The following NCOA1 variants were observed in gnomAD, a reference collection of about 807,000 sequenced individuals.
NCOA1 encodes nuclear receptor coactivator 1.
Under a neutral mutation model 150.9 loss-of-function variants are expected in NCOA1, and 35 were observed. The ratio of observed to expected loss-of-function variants is 0.23; its 90% CI spans 0.18 to 0.31. The LOEUF (loss-of-function observed/expected upper bound fraction) is 0.31. NCOA1 is among the 10% of genes least tolerant of loss of function. NCOA1 has a pLI of 1.00. For synonymous variants in NCOA1, 590 were observed against 630.0 expected (o/e 0.94, Z 0.95); for missense variants, 1,491 against 1,749.3 (o/e 0.85, Z 2.63).
intron 3 of NCOA1, among the ~76,000 whole-genome samples, chr2:24,624,712 C>T (rs1387111101): frequency 6.6e-6 from 1 of 152,168 alleles, no homozygotes; most frequent in Non-Finnish European, 1.5e-5. Context: ...ACAATATATA[C>T]ATATGCAAGA....
Position 24,757,649 on chromosome 2 carries a change from C to T in NCOA1, c.3882-324C>T, listed in dbSNP as rs1033853677. The stretch of plus-strand genomic sequence containing the variant: ...ACACTTTGCTCAAATAGGACATTCT[C>T]TGTTTAGATAGGTAAATGTCAGTTA... On this transcript the variant is annotated intron_variant, in intron 20 of 22. Coordinates refer to ENST00000348332, the MANE Select transcript of NCOA1 (RefSeq NM_003743.5). 3.9e-5 allele frequency among the ~76,000 whole-genome samples: 6 copies of T among 152,158 alleles called. No homozygotes were observed. The South Asian group carries it at 1.2e-3, about 32-fold the overall frequency.
At chr2:24,526,515 TA>T (rs150495565) in intron 1 of NCOA1, among the ~76,000 whole-genome samples, 3 of 151,888 alleles carry the variant, frequency 2.0e-5, no homozygotes, top group East Asian at 1.9e-4. Flanking sequence ...CGACCTTTTT[TA>T]AAAAAAATAG....
chr2:24,629,813 CATACATATATATATATATATATATAT>C (rs1482716196), intron 3 of NCOA1, among the ~76,000 whole-genome samples: 6 of 77,340 alleles, frequency 7.8e-5, no homozygotes, highest in Admixed American at 1.8e-4. Flanking sequence ...AAGTAACATA[CATACATATATATATATATATATATAT>C]ATATATATGT....
intron 2 of NCOA1, among the ~76,000 whole-genome samples, chr2:24,572,581 A>C (rs1666783982): frequency 6.6e-6 from 1 of 152,190 alleles, no homozygotes; most frequent in Admixed American, 6.5e-5. Flanking sequence ...TTTTTCGTGA[A>C]GATTGTGGAA....
chr2:24,597,440 A>G (rs1414372413), intron 3 of NCOA1, among the ~76,000 whole-genome samples: 2 of 149,994 alleles, frequency 1.3e-5, no homozygotes, highest in African/African-American at 2.4e-5. Context: ...AGAATACTGT[A>G]TTGGCCAATG....
intron 13 of NCOA1, among the ~76,000 whole-genome samples, chr2:24,708,312 T>C (rs748597938): frequency 3.3e-5 from 5 of 152,212 alleles, no homozygotes; most frequent in Admixed American, 6.5e-5. Context: ...TTAGTCTGGC[T>C]TGTTTTTTAT....
At chr2:24,569,648 G>C (rs1666658443) in intron 2 of NCOA1, among the ~76,000 whole-genome samples, 1 of 146,084 alleles carries the variant, frequency 6.8e-6, no homozygotes, top group South Asian at 2.1e-4. Flanking sequence ...TAGGTGAGTG[G>C]ATCACAAGGT....
intron 11 of NCOA1, among the ~76,000 whole-genome samples, chr2:24,701,777 G>A (rs1468379951): frequency 1.3e-5 from 2 of 152,226 alleles, no homozygotes; most frequent in Non-Finnish European, 2.9e-5. Flanking sequence ...TTGAGAGGCT[G>A]AGGTGTGAGG....
chr2:24,739,908 CT>C (rs772378979), intron 18 of NCOA1, among the ~76,000 whole-genome samples: 19 of 151,910 alleles, frequency 1.3e-4, no homozygotes, highest in Non-Finnish European at 2.4e-4. Flanking sequence ...TCTTAACTAT[CT>C]TGTGTACTAT....
chr2:24,656,301 G>C (rs1558878133), intron 4 of NCOA1, among the ~76,000 whole-genome samples: 1 of 151,972 alleles, frequency 6.6e-6, no homozygotes, highest in Non-Finnish European at 1.5e-5. Flanking sequence ...AGCCCATGCT[G>C]GTTTTTTGTT....
chr2:24,559,655 C>T (rs866719928), intron 1 of NCOA1, among the ~76,000 whole-genome samples: 1 of 152,060 alleles, frequency 6.6e-6, no homozygotes, highest in Non-Finnish European at 1.5e-5. Flanking sequence ...CCCTTTCTTC[C>T]ATGTTTTGTG....
chr2:24,638,948 C>G (rs1044467662), intron 3 of NCOA1, among the ~76,000 whole-genome samples: 7 of 152,138 alleles, frequency 4.6e-5, no homozygotes, highest in Non-Finnish European at 1.0e-4. Context: ...ATCAGCCTTA[C>G]ATTCCTCGGA....
At chr2:24,673,575 G>T (rs892638094) in intron 7 of NCOA1, 112 bp downstream of exon 7, 15 of 593,104 alleles carry the variant, frequency 2.5e-5, no homozygotes, top group Non-Finnish European at 4.0e-5. Flanking sequence ...ACAAAGTAAA[G>T]AACTTTTTAT....
chr2:24,736,786 G>A (rs947157163), intron 17 of NCOA1, among the ~76,000 whole-genome samples: 2 of 152,122 alleles, frequency 1.3e-5, no homozygotes, highest in Admixed American at 1.3e-4. Flanking sequence ...CCCACGAGAC[G>A]TCAGCAGTAC....
chr2:24,682,083 G>A (rs1025119355), intron 7 of NCOA1, among the ~76,000 whole-genome samples: 2 of 152,140 alleles, frequency 1.3e-5, no homozygotes, highest in Non-Finnish European at 2.9e-5. Context: ...TAATTTCGCC[G>A]TAGATAACCA....
At chr2:24,737,507 GA>G (rs1373540047) in intron 17 of NCOA1, among the ~76,000 whole-genome samples, 1 of 152,130 alleles carries the variant, frequency 6.6e-6, no homozygotes. Flanking sequence ...ACAATTCAAA[GA>G]ATATATAAAG....
intron 14 of NCOA1, among the ~76,000 whole-genome samples, chr2:24,721,157 T>C (rs1674339980): frequency 1.3e-5 from 2 of 152,214 alleles, no homozygotes; most frequent in Non-Finnish European, 2.9e-5. Flanking sequence ...CTTCAGTCCA[T>C]CTATTGAGAT....
At chr2:24,722,222 A>C (rs1674390359) in intron 14 of NCOA1, among the ~76,000 whole-genome samples, 1 of 152,184 alleles carries the variant, frequency 6.6e-6, no homozygotes, top group African/African-American at 2.4e-5. Flanking sequence ...ACACACACAC[A>C]CCCAAGCAGT....
chr2:24,768,025 T>C (rs1665154596), intron 22 of NCOA1, 196 bp from the exon 23 acceptor site: 1 of 1,579,674 alleles, frequency 6.3e-7, no homozygotes, highest in African/African-American at 1.3e-5. Context: ...ATTTTTAAAG[T>C]GTGAACTTTC....
Sources: allele counts gnomAD v4.1 joint callset (sites outside exome capture counted in the v4.1 genomes callset), GRCh38; gene constraint gnomAD v4.1.1; transcripts MANE v1.5; gene names NCBI Gene and HGNC (gene_info 2026-07-23, HGNC 2026-07-21).